UGP2: variants seen among roughly 807,000 people sequenced by gnomAD.
The protein encoded by UGP2 is UTP--glucose-1-phosphate uridylyltransferase.
A neutral mutation model predicts 49.0 loss-of-function variants in UGP2; 40 were observed. That is an observed-to-expected ratio of 0.82 (90% CI 0.63 to 1.06). The LOEUF is 1.06. Ranked by LOEUF, UGP2 falls within the 50% of genes least tolerant of loss-of-function variation. The pLI, the probability that UGP2 is intolerant of heterozygous loss-of-function variation, is 0.00. For missense variants in UGP2, 460 were observed against 603.5 expected, an observed-to-expected ratio of 0.76 and a Z score of 2.49; for synonymous variants, 225 against 213.0, an observed-to-expected ratio of 1.06 and a Z score of -0.49.
intron 1 of UGP2, among the ~76,000 whole-genome samples, chr2:63,854,627 A>T (rs537716438): frequency 1.8e-4 from 28 of 152,278 alleles, no homozygotes; most frequent in South Asian, 4.1e-4. Flanking sequence ...ACTCTTCCTT[A>T]TTCTTTATTC....
At chr2:63,856,972 A>G in intron 2 of UGP2, 1 of 377,318 alleles carries the variant, frequency 2.7e-6, no homozygotes, top group Non-Finnish European at 5.2e-6. Context: ...AGTGAAGATT[A>G]ATTTTCATTG....
Position 63,842,215 on chromosome 2 carries a change from C to A in UGP2, c.19+11C>A. ...CGAGATTTGTACAAGGTAAGAAATG[C>A]TGCTGCTTATATCCCGAGTTGCTTC... On this transcript the variant is annotated intron_variant, in intron 1 of 9. Transcript: ENST00000337130. 6.2e-7 allele frequency: 1 copy of A among 1,607,974 alleles called. No individual in the cohort carries two copies. The highest frequency in any genetic ancestry group is 8.5e-7 in the Non-Finnish European group (1 of 1,178,564).
At chr2:63,873,951 A>G (rs1361848829) in intron 3 of UGP2, among the ~76,000 whole-genome samples, 1 of 152,222 alleles carries the variant, frequency 6.6e-6, no homozygotes, top group Non-Finnish European at 1.5e-5. Context: ...GATGGCCACC[A>G]GAATGAACAC....
At chr2:63,885,092 T>C (rs1671588089) in intron 5 of UGP2, among the ~76,000 whole-genome samples, 1 of 148,314 alleles carries the variant, frequency 6.7e-6, no homozygotes, top group Non-Finnish European at 1.5e-5. Flanking sequence ...GTTTTCCTCT[T>C]GCCCCATCAC....
chr2:63,845,279 C>T (rs1200508634), intron 1 of UGP2, among the ~76,000 whole-genome samples: 2 of 152,106 alleles, frequency 1.3e-5, no homozygotes, highest in Non-Finnish European at 2.9e-5. Flanking sequence ...GGCAGTAATG[C>T]TTATGCCTCA....
chr2:63,847,806 G>T (rs917507724), intron 1 of UGP2, among the ~76,000 whole-genome samples: 1 of 152,100 alleles, frequency 6.6e-6, no homozygotes, highest in Non-Finnish European at 1.5e-5. Context: ...GGTGGGGCAG[G>T]GCATATTCAC....
At chr2:63,887,084 T>C (rs1463401401) in intron 7 of UGP2, among the ~76,000 whole-genome samples, 2 of 151,962 alleles carry the variant, frequency 1.3e-5, no homozygotes, top group South Asian at 2.1e-4. Flanking sequence ...GCCAACATAG[T>C]GAAACCCCAT....
intron 3 of UGP2, among the ~76,000 whole-genome samples, chr2:63,859,431 A>C (rs1669681214): frequency 6.6e-6 from 1 of 152,296 alleles, no homozygotes; most frequent in Non-Finnish European, 1.5e-5. Context: ...TTAGGGTTCA[A>C]GAATTAGTTT....
intron 8 of UGP2, chr2:63,889,780 G>T: frequency 4.5e-6 from 1 of 223,636 alleles, no homozygotes; most frequent in Non-Finnish European, 8.6e-6. Flanking sequence ...CAGATTGTGT[G>T]AACTATTCAT....
rs1671578520 is a variant in UGP2 at position 63,841,993 on chromosome 2, GTTTC to G, written c.-181_-178del. On this transcript the variant is annotated 5_prime_UTR_variant, in exon 1 of 10. Coordinates refer to ENST00000337130, the MANE Select transcript of UGP2 (RefSeq NM_006759.4). ...TCCGTCTTTTGGAATTGGGGAAGGA[GTTTC>G]TTTCTTTCTTTTCTTTTTTCTTGAG... 1.1e-5 allele frequency: 7 copies of G among 639,236 alleles called. No homozygotes were observed. The highest frequency in any genetic ancestry group is 4.2e-5 in the South Asian group (1 of 23,930). The allele number at this position is 639,236 out of a possible 1,614,324, so 39.6% of individuals were successfully genotyped here.
At position 63,891,205 on chromosome 2, in the gene UGP2, A is replaced by G. The variant is rs142852088; in HGVS notation, c.1505A>G (p.Asn502Ser). The part of the protein sequence containing the change: ...AVLENKIVSG[N>S]LRILDH ...TTAGAGAACAAGATTGTGTCTGGAA[A>G]CCTTCGCATCTTGGACCACTGAAAT... Residue 502 changes from asparagine (N) to serine (S), a missense_variant, in exon 10 of 10, where the codon AAC becomes AGC. Physicochemically the swap from Asn to Ser is conservative, Grantham distance 46 (BLOSUM62 1). Around this residue, in one of 2 missense-constraint regions of UGP2, gnomAD observed 317 missense variants for 473.0 expected, o/e 0.67. Coordinates refer to ENST00000337130, the MANE Select transcript of UGP2 (RefSeq NM_006759.4). 6.2e-7 allele frequency: 1 copy of G among 1,613,486 alleles called. No individual in the cohort carries two copies. The highest frequency in any genetic ancestry group is 8.5e-7 in the Non-Finnish European group (1 of 1,179,708).
chr2:63,843,011 T>C (rs1045968657), intron 1 of UGP2, among the ~76,000 whole-genome samples: 1 of 152,212 alleles, frequency 6.6e-6, no homozygotes, highest in African/African-American at 2.4e-5. Context: ...TCTTTCCTTG[T>C]AGACTCCAGT....
chr2:63,883,347 C>A (rs1035372047), intron 4 of UGP2: 8 of 147,144 alleles, frequency 5.4e-5, no homozygotes, highest in African/African-American at 1.9e-4. Flanking sequence ...GCCCAAGGTT[C>A]CCAAGATAGT....
intron 3 of UGP2, among the ~76,000 whole-genome samples, chr2:63,870,908 A>C (rs368561025): frequency 1.3e-5 from 2 of 152,186 alleles, no homozygotes; most frequent in Non-Finnish European, 2.9e-5. Flanking sequence ...CAGATTCACT[A>C]CTAGGGCTGA....
At chr2:63,869,328 T>A (rs1035149095) in intron 3 of UGP2, among the ~76,000 whole-genome samples, 3 of 152,234 alleles carry the variant, frequency 2.0e-5, no homozygotes, top group Non-Finnish European at 4.4e-5. Context: ...TTTAATATTA[T>A]CACTTTAAAA....
chr2:63,890,390 G>GA (rs879846467), intron 9 of UGP2, among the ~76,000 whole-genome samples: 11 of 151,736 alleles, frequency 7.2e-5, no homozygotes, highest in African/African-American at 2.4e-4. Flanking sequence ...AGTAAAAGCA[G>GA]AAAAAAAATG....
chr2:63,864,772 C>G (rs556957112), intron 3 of UGP2, among the ~76,000 whole-genome samples: 3 of 152,150 alleles, frequency 2.0e-5, no homozygotes, highest in African/African-American at 7.2e-5. Flanking sequence ...AGAGCAGGCT[C>G]CATTCCTTCC....
chr2:63,844,434 A>C (rs1375564376), intron 1 of UGP2, among the ~76,000 whole-genome samples: 1 of 144,286 alleles, frequency 6.9e-6, no homozygotes, highest in African/African-American at 2.4e-5. Flanking sequence ...TAGGTTTCTA[A>C]CTTTTTTTTT....
In UGP2 at chr2:63,885,645, CAG is replaced by C. The variant is rs1476886566; in HGVS notation, c.633_634del (p.Glu213LysfsTer12). ...CCTGTAGCAAAGGACGTGTCTTACT[CAG>C]GGGAAAATACAGAAGCTTGGTACCC... On this transcript the variant is annotated frameshift_variant, in exon 6 of 10. Coordinates refer to ENST00000337130, the MANE Select transcript of UGP2 (RefSeq NM_006759.4). LOFTEE classifies it high-confidence loss of function. 6.8e-6 allele frequency: 11 copies of C among 1,607,788 alleles called. No individual in the cohort carries two copies. The highest frequency in any genetic ancestry group is 1.3e-5 in the African/African-American group (1 of 74,310).
Sources: gnomAD v4.1 joint callset for allele counts (sites outside exome capture counted in the v4.1 genomes callset) on GRCh38, gnomAD v4.1.1 for gene constraint, gnomAD v4.1.1 regional missense constraint, MANE v1.5 for transcripts, NCBI Gene and HGNC (gene_info 2026-07-23, HGNC 2026-07-21) for gene names.